The following PACSIN2 variants were observed in gnomAD, a reference collection of about 807,000 sequenced individuals.
The protein encoded by PACSIN2 is protein kinase C and casein kinase substrate in neurons protein 2.
PACSIN2 carries 25 observed loss-of-function variants against 63.8 expected under a neutral mutation model. The observed-to-expected ratio is 0.39, with a 90% CI of 0.29 to 0.55. PACSIN2 has a LOEUF of 0.55. Ranked by LOEUF, PACSIN2 falls within the 20% of genes least tolerant of loss-of-function variation. The probability of loss-of-function intolerance (pLI) is 0.62; values close to 1 mark genes in which losing one functional copy is unlikely to be tolerated. For synonymous variants in PACSIN2, 255 were observed against 256.2 expected (o/e 1.00, Z 0.05); for missense variants, 518 against 646.9 (o/e 0.80, Z 2.16).
intron 1 of PACSIN2, among the ~76,000 whole-genome samples, chr22:43,013,023 C>A (rs955746714): frequency 1.3e-5 from 2 of 152,152 alleles, no homozygotes; most frequent in Non-Finnish European, 2.9e-5. Flanking sequence ...AAGTTCTGAC[C>A]TCAGGTGATC....
intron 5 of PACSIN2, among the ~76,000 whole-genome samples, chr22:42,887,355 TCACCTGCTG>T (rs1239700307): frequency 6.6e-6 from 1 of 152,218 alleles, no homozygotes; most frequent in African/African-American, 2.4e-5. Context: ...GTTCCTGCTC[TCACCTGCTG>T]GATGGCACGT....
At chr22:43,011,951 A>C (rs5996255) in intron 1 of PACSIN2, among the ~76,000 whole-genome samples, 92,577 of 151,668 alleles carry the variant, frequency 0.61, 28,842 homozygotes, top group East Asian at 0.81. Context: ...TCGAGACCAT[A>C]CTGGCCAACA....
intron 1 of PACSIN2, among the ~76,000 whole-genome samples, chr22:42,930,266 G>A (rs1351161275): frequency 6.6e-6 from 1 of 152,172 alleles, no homozygotes; most frequent in African/African-American, 2.4e-5. Context: ...GGGTCTCTGT[G>A]ACATGCAGCC....
intron 1 of PACSIN2, among the ~76,000 whole-genome samples, chr22:43,004,785 C>A (rs1307952642): frequency 6.6e-6 from 1 of 152,256 alleles, no homozygotes; most frequent in African/African-American, 2.4e-5. Flanking sequence ...CAGGTCCAGG[C>A]AGAGGCCCCG....
At chr22:42,998,912 G>A (rs973042442) in intron 1 of PACSIN2, among the ~76,000 whole-genome samples, 6 of 152,142 alleles carry the variant, frequency 3.9e-5, no homozygotes, top group African/African-American at 1.4e-4. Flanking sequence ...GAGATCGGCT[G>A]CAGAATGGCC....
At chr22:42,914,857 T>A (rs58701870) in intron 1 of PACSIN2, among the ~76,000 whole-genome samples, 3,399 of 152,292 alleles carry the variant, frequency 0.022, 121 homozygotes, top group African/African-American at 0.079. Flanking sequence ...ACTGATTGAT[T>A]GACTGACTGG....
intron 1 of PACSIN2, among the ~76,000 whole-genome samples, chr22:42,921,308 G>C (rs1012230583): frequency 2.0e-4 from 31 of 151,286 alleles, no homozygotes; most frequent in African/African-American, 7.5e-4. Context: ...GCAGTGAGCC[G>C]AGATTGTGTC....
intron 1 of PACSIN2, among the ~76,000 whole-genome samples, chr22:42,924,840 T>A (rs1469202297): frequency 6.6e-6 from 1 of 151,250 alleles, no homozygotes; most frequent in Non-Finnish European, 1.5e-5. Context: ...CACTGCAAGC[T>A]CTGCCTCCCG....
chr22:43,001,709 G>A (rs146019870), intron 1 of PACSIN2, among the ~76,000 whole-genome samples: 7 of 152,188 alleles, frequency 4.6e-5, no homozygotes, highest in Admixed American at 4.6e-4. Context: ...TTCTTAGCTG[G>A]GATAAGAGGA....
At chr22:42,983,971 T>C (rs1366646909) in intron 1 of PACSIN2, among the ~76,000 whole-genome samples, 1 of 145,920 alleles carries the variant, frequency 6.9e-6, no homozygotes, top group Admixed American at 6.8e-5. Context: ...GCACTTTTTT[T>C]TTTTTTTTTT....
intron 1 of PACSIN2, among the ~76,000 whole-genome samples, chr22:42,941,879 C>T (rs572163096): frequency 2.0e-5 from 3 of 152,238 alleles, no homozygotes; most frequent in Admixed American, 1.3e-4. Flanking sequence ...TGGGTTCAAG[C>T]GATTCTCCTG....
At chr22:42,883,913 A>C (rs1381714248) in intron 6 of PACSIN2, among the ~76,000 whole-genome samples, 5 of 152,190 alleles carry the variant, frequency 3.3e-5, no homozygotes, top group African/African-American at 1.2e-4. Context: ...CTGAGGCAGG[A>C]GAACTGCTTG....
chr22:42,987,583 G>C (rs1485221765), intron 1 of PACSIN2, among the ~76,000 whole-genome samples: 1 of 120,848 alleles, frequency 8.3e-6, no homozygotes, highest in Non-Finnish European at 1.6e-5. Context: ...CCAGGCTGGA[G>C]TGCAGTGGTG....
chr22:42,876,156 A>G lies in PACSIN2; in HGVS notation c.1329T>C (p.Asp443=), dbSNP rs1207253749. ...ALYDYEGQEH[D]ELSFKAGDEL... The stretch of plus-strand genomic sequence containing the variant: ...ACCTACCAGCCTTGAAGCTCAGCTC[A>G]TCATGCTCCTGCCCCTCATAGTCAT... Residue 443 remains aspartate, a synonymous_variant, in exon 10 of 11, where the codon GAT becomes GAC. Coordinates refer to ENST00000263246, the MANE Select transcript of PACSIN2 (RefSeq NM_001184970.3). 6.2e-7 allele frequency: 1 copy of G among 1,613,438 alleles called. No homozygotes were observed. The highest frequency in any genetic ancestry group is 1.3e-5 in the African/African-American group (1 of 74,922).
chr22:42,937,428 T>C (rs1932961227), intron 1 of PACSIN2, among the ~76,000 whole-genome samples: 2 of 152,138 alleles, frequency 1.3e-5, no homozygotes, highest in East Asian at 1.9e-4. Context: ...TAACGATGCA[T>C]GAGCTTAAAC....
intron 1 of PACSIN2, among the ~76,000 whole-genome samples, chr22:42,920,637 G>T (rs1932122084): frequency 6.6e-6 from 1 of 152,102 alleles, no homozygotes; most frequent in African/African-American, 2.4e-5. Flanking sequence ...GGACGTGCTG[G>T]AAGAGAGCAG....
intron 1 of PACSIN2, among the ~76,000 whole-genome samples, chr22:42,991,285 A>C (rs1376117800): frequency 6.6e-6 from 1 of 152,034 alleles, no homozygotes; most frequent in African/African-American, 2.4e-5. Context: ...CTGGTCAAGG[A>C]CAAGCAGTGG....
At chr22:42,934,165 T>G (rs1932841214) in intron 1 of PACSIN2, among the ~76,000 whole-genome samples, 2 of 152,226 alleles carry the variant, frequency 1.3e-5, no homozygotes, top group South Asian at 4.1e-4. Flanking sequence ...CTTATATGTT[T>G]TAGAGTTGAG....
chr22:42,950,908 C>T (rs1172043844), intron 1 of PACSIN2, among the ~76,000 whole-genome samples: 1 of 151,966 alleles, frequency 6.6e-6, no homozygotes, highest in African/African-American at 2.4e-5. Context: ...AAAGCCACAC[C>T]AGTAGGTAAT....
Sources: gnomAD v4.1 joint callset for allele counts (sites outside exome capture counted in the v4.1 genomes callset) on GRCh38, gnomAD v4.1.1 for gene constraint, MANE v1.5 for transcripts, NCBI Gene and HGNC (gene_info 2026-07-23, HGNC 2026-07-21) for gene names.